Variants in GLRX3 observed in about 807,000 individuals in gnomAD.
GLRX3 encodes glutaredoxin-3.
Under a neutral mutation model 49.5 loss-of-function variants are expected in GLRX3, and 22 were observed. That is an observed-to-expected ratio of 0.44 (90% confidence interval 0.32 to 0.63). GLRX3 has a LOEUF of 0.63. GLRX3 is among the 30% of genes least tolerant of loss of function. The pLI is 0.05. For synonymous variants in GLRX3, 133 were observed against 140.0 expected, an observed-to-expected ratio of 0.95 and a Z score of 0.35; for missense variants, 385 against 396.3, an observed-to-expected ratio of 0.97 and a Z score of 0.24.
chr10:130,143,781 T>C (rs1333162464), intron 1 of GLRX3, among the ~76,000 whole-genome samples: 2 of 151,782 alleles, frequency 1.3e-5, no homozygotes, highest in South Asian at 2.1e-4. Context: ...CACTGTAACC[T>C]CTGCCTTCTG....
intron 1 of GLRX3, among the ~76,000 whole-genome samples, chr10:130,139,712 G>A (rs976395553): frequency 1.3e-5 from 2 of 151,652 alleles, no homozygotes; most frequent in African/African-American, 4.8e-5. Context: ...TGGGAGGATG[G>A]CTTGAGGCCA....
chr10:130,155,918 T>C (rs1408235080), intron 2 of GLRX3, among the ~76,000 whole-genome samples: 1 of 151,996 alleles, frequency 6.6e-6, no homozygotes, highest in Non-Finnish European at 1.5e-5. Context: ...AAGTGGAAGG[T>C]GTTGCAGGAA....
chr10:130,175,559 A>T (rs902406479), intron 10 of GLRX3, among the ~76,000 whole-genome samples: 44 of 152,294 alleles, frequency 2.9e-4, no homozygotes, highest in African/African-American at 9.6e-4. Context: ...GATGCTTGGA[A>T]ATCTGTTATC....
chr10:130,160,754 A>T (rs775773233), intron 3 of GLRX3, 42 bp from the exon 4 acceptor site: 1 of 1,070,814 alleles, frequency 9.3e-7, no homozygotes, highest in Admixed American at 1.7e-5. Flanking sequence ...TGTCATTATT[A>T]TGGAATGCTG....
chr10:130,162,013 G>T (rs1862584594), intron 4 of GLRX3, among the ~76,000 whole-genome samples: 1 of 152,302 alleles, frequency 6.6e-6, no homozygotes, highest in South Asian at 2.1e-4. Context: ...TTTCGCTCTT[G>T]TTGCCCAGGT....
At chr10:130,165,053 A>G (rs1862654842) in intron 4 of GLRX3, among the ~76,000 whole-genome samples, 1 of 152,252 alleles carries the variant, frequency 6.6e-6, no homozygotes, top group South Asian at 2.1e-4. Context: ...GCTCACTTGT[A>G]GATCCATGTT....
At chr10:130,165,413 A>G (rs546049052) in intron 4 of GLRX3, among the ~76,000 whole-genome samples, 1 of 152,320 alleles carries the variant, frequency 6.6e-6, no homozygotes, top group African/African-American at 2.4e-5. Flanking sequence ...ATGATGTCAA[A>G]AAAGTACAGA....
chr10:130,150,685 G>A (rs1049519172), intron 2 of GLRX3, among the ~76,000 whole-genome samples: 2 of 152,170 alleles, frequency 1.3e-5, no homozygotes, highest in African/African-American at 4.8e-5. Flanking sequence ...CATTATAAAT[G>A]TAAATGTAGT....
intron 6 of GLRX3, among the ~76,000 whole-genome samples, chr10:130,168,755 G>A (rs1862745809): frequency 6.6e-6 from 1 of 152,318 alleles, no homozygotes; most frequent in Middle Eastern, 3.4e-3. Flanking sequence ...CCTCTAAGGA[G>A]ATTTTTGAGC....
chr10:130,155,186 G>A (rs1862450603), intron 2 of GLRX3, among the ~76,000 whole-genome samples: 1 of 152,198 alleles, frequency 6.6e-6, no homozygotes, highest in Non-Finnish European at 1.5e-5. Flanking sequence ...GCTAGGAAGA[G>A]CTTTTAACCA....
Position 130,160,922 on chromosome 10 carries a change from C to T in GLRX3, c.403C>T (p.Leu135Phe). The change falls in exon 4 of 11, where the codon CTT (leucine) becomes TTT (phenylalanine). Residue 135 changes from leucine (L) to phenylalanine (F), a missense_variant. Leu to Phe is a conservative substitution (Grantham distance 22, BLOSUM62 0). Around this residue, in one of 2 missense-constraint regions of GLRX3, gnomAD observed 374 missense variants for 358.6 expected, o/e 1.04. Transcript: ENST00000331244. ...ANEHLKEDLN[L>F]RLKKLTHAAP... ...TGAACATCTTAAAGAAGATCTCAAC[C>T]TTCGCTTGAAGAAATTGACTCATGC... The T allele has an allele frequency of 6.2e-7, 1 of 1,613,704 alleles. No individual in the cohort carries two copies. Among genetic ancestry groups the T allele is most frequent in the Non-Finnish European group, 8.5e-7 (1 of 1,179,642 alleles).
intron 1 of GLRX3, among the ~76,000 whole-genome samples, chr10:130,140,870 C>T (rs929214861): frequency 6.6e-5 from 10 of 152,054 alleles, no homozygotes; most frequent in East Asian, 1.9e-4. Context: ...TGATTTGCTA[C>T]GTAAAGTAGT....
chr10:130,166,718 AT>A, intron 5 of GLRX3, 39 bp downstream of exon 5: 1 of 1,319,234 alleles, frequency 7.6e-7, no homozygotes, highest in Non-Finnish European at 1.1e-6. Context: ...AAGAAATTCC[AT>A]TTAGAGCATA....
intron 4 of GLRX3, among the ~76,000 whole-genome samples, chr10:130,163,797 A>G (rs978360792): frequency 1.3e-4 from 20 of 152,152 alleles, no homozygotes; most frequent in South Asian, 4.1e-4. Context: ...TTCTTCTGGC[A>G]TTTTAGAGAA....
At chr10:130,166,874 T>G (rs1246602304) in intron 5 of GLRX3, 45 bp from the exon 6 acceptor site, 1 of 1,225,940 alleles carries the variant, frequency 8.2e-7, no homozygotes. Context: ...GAGATTTATG[T>G]TATAATAATT....
chr10:130,177,978 C>T, intron 10 of GLRX3, among the ~76,000 whole-genome samples: 1 of 152,168 alleles, frequency 6.6e-6, no homozygotes, highest in African/African-American at 2.4e-5. Context: ...GATTTTAAAT[C>T]TGAAAAACAG....
intron 6 of GLRX3, among the ~76,000 whole-genome samples, chr10:130,168,536 C>G (rs916513635): frequency 1.3e-5 from 2 of 152,186 alleles, no homozygotes; most frequent in African/African-American, 4.8e-5. Flanking sequence ...GCTCCGCCTC[C>G]CGGGTTCACA....
At chr10:130,140,810 T>C (rs2134868569) in intron 1 of GLRX3, among the ~76,000 whole-genome samples, 1 of 152,314 alleles carries the variant, frequency 6.6e-6, no homozygotes, top group South Asian at 2.1e-4. Flanking sequence ...AATGGCTTTA[T>C]GTTTTCTTAT....
chr10:130,166,947 C>T lies in GLRX3; in HGVS notation c.680C>T (p.Thr227Ile). 3.1e-6 allele frequency: 5 copies of T among 1,597,096 alleles called. No homozygotes were observed. Among genetic ancestry groups the T allele is most frequent in the Non-Finnish European group, 4.3e-6 (5 of 1,170,802 alleles). Residue 227 changes from threonine (T) to isoleucine (I), a missense_variant, in exon 6 of 11, where the codon ACA becomes ATA. Thr to Ile is a moderately conservative substitution (Grantham distance 89, BLOSUM62 -1). This residue lies in a region of GLRX3 where 374 missense variants were observed against 358.6 expected (regional missense o/e 1.04). Coordinates refer to ENST00000331244, the MANE Select transcript of GLRX3 (RefSeq NM_006541.5). Reference protein sequence around the residue: ...KELEASEELDTICPKAPKLEE... With the variant: ...KELEASEELDIICPKAPKLEE... The stretch of plus-strand genomic sequence containing the variant: ...CTAGAAGCATCTGAAGAACTAGATA[C>T]AATTTGTCCCAAAGCTCCCAAATTA...
Sources: allele counts gnomAD v4.1 joint callset (sites outside exome capture counted in the v4.1 genomes callset), GRCh38; gene constraint gnomAD v4.1.1; regional missense constraint gnomAD v4.1.1; transcripts MANE v1.5; gene names NCBI Gene and HGNC (gene_info 2026-07-23, HGNC 2026-07-21).